The following PDPK1 variants were observed in gnomAD, a reference collection of about 807,000 sequenced individuals.
The protein encoded by PDPK1 is 3-phosphoinositide-dependent protein kinase 1.
PDPK1 carries 7 observed loss-of-function variants against 39.8 expected under a neutral mutation model. The ratio of observed to expected loss-of-function variants is 0.18; its 90% confidence interval spans 0.10 to 0.33. The LOEUF (loss-of-function observed/expected upper bound fraction) is 0.33, where lower values mean the gene tolerates loss of function less well. Ranked by LOEUF, PDPK1 falls within the 10% of genes least tolerant of loss-of-function variation. The pLI is 1.00. For synonymous variants in PDPK1, 118 were observed against 159.1 expected, an observed-to-expected ratio of 0.74 and a Z score of 1.95; for missense variants, 182 against 384.7, an observed-to-expected ratio of 0.47 and a Z score of 4.41.
chr16:2,591,877 A>G (rs1387697917), intron 11 of PDPK1, among the ~76,000 whole-genome samples: 3 of 152,244 alleles, frequency 2.0e-5, no homozygotes, highest in Non-Finnish European at 4.4e-5. Context: ...CTCAGTTTTA[A>G]TTTCCTGCGT....
intron 6 of PDPK1, among the ~76,000 whole-genome samples, chr16:2,573,774 T>G (rs1488253573): frequency 7.4e-6 from 1 of 134,284 alleles, no homozygotes. Context: ...TTTTCTTCCC[T>G]TTTTTTTCCT....
chr16:2,595,960 A>G, intron 12 of PDPK1, 110 bp downstream of exon 12: 1 of 830,116 alleles, frequency 1.2e-6, no homozygotes, highest in Admixed American at 1.9e-5. Flanking sequence ...CTTGATTTTC[A>G]TCAGACATCA....
chr16:2,547,273 C>T lies in PDPK1; in HGVS notation c.24+9137C>T, dbSNP rs915616778. On this transcript the variant is annotated intron_variant, in intron 1 of 13. Transcript: ENST00000342085. ...TGAGGGCGAGCGCTAGGTTCGTCTG[C>T]GTTTCTCTCTCCCAGTTGGGCCTGA... 6.3e-4 allele frequency among the ~76,000 whole-genome samples: 92 copies of T among 145,494 alleles called. 1 individual carries two copies. The highest frequency in any genetic ancestry group is 1.2e-3 in the Non-Finnish European group (82 of 67,878).
Position 2,546,397 on chromosome 16 carries a change from GATCTCGGCTCACTGCA to G in PDPK1, c.24+8267_24+8282del, listed in dbSNP as rs1221356830. On this transcript the variant is annotated intron_variant, in intron 1 of 13. Transcript: ENST00000342085. Reference sequence around the variant, plus strand: ...CGCCCAGTCTGGAGTGCAGTGGCGCGATCTCGGCTCACTGCAATCTCCACCTCCCCGGTTCAAGCGA... The same window carrying G: ...CGCCCAGTCTGGAGTGCAGTGGCGCGATCTCCACCTCCCCGGTTCAAGCGA... Among the ~76,000 whole-genome samples, 6 of 151,736 alleles carry G rather than the reference GATCTCGGCTCACTGCA, an allele frequency of 4.0e-5. No individual in the cohort carries two copies. The East Asian group carries it at 1.2e-3, about 29-fold the overall frequency.
chr16:2,551,323 G>A lies in PDPK1; in HGVS notation c.25-6380G>A, dbSNP rs536477328. On this transcript the variant is annotated intron_variant, in intron 1 of 13. Transcript: ENST00000342085. ...GGTTTTCTGTGCTGGGCCTAGCTTTGTGGAGTTTTCTGAGGTGAGAGGAGG... is the reference window on the plus strand; with the variant it reads ...GGTTTTCTGTGCTGGGCCTAGCTTTATGGAGTTTTCTGAGGTGAGAGGAGG... Among the ~76,000 whole-genome samples, 189 of 150,882 alleles carry A rather than the reference G, an allele frequency of 1.3e-3. 4 individuals are homozygous for A. The highest frequency in any genetic ancestry group is 3.8e-3 in the African/African-American group (157 of 41,196).
rs1476924728 is a variant in PDPK1 at position 2,601,529 on chromosome 16, A to T, written c.*3762A>T. ...TTGCATCTGCACAGTCAGCAGAGAT[A>T]ACAAGTGTTGAACTGACCTTGCCAC... On this transcript the variant is annotated 3_prime_UTR_variant, in exon 14 of 14. Transcript: ENST00000342085. The T allele has an allele frequency of 4.3e-6, 1 of 234,454 alleles. No homozygotes were observed. Among genetic ancestry groups the T allele is most frequent in the Non-Finnish European group, 8.5e-6 (1 of 117,924 alleles). The allele number at this position is 234,454 out of a possible 1,614,324, so 14.5% of individuals were successfully genotyped here. A position where few individuals can be genotyped will look rare whatever the true frequency, so the allele number is the denominator to read the frequency against.
intron 10 of PDPK1, among the ~76,000 whole-genome samples, chr16:2,585,927 C>G (rs542193894): frequency 6.6e-6 from 1 of 152,330 alleles, no homozygotes; most frequent in South Asian, 2.1e-4. Flanking sequence ...TTTCTTTCCC[C>G]TTGTCCTTGG....
At chr16:2,586,998 C>T in intron 11 of PDPK1, 105 bp downstream of exon 11, 5 of 951,474 alleles carry the variant, frequency 5.3e-6, no homozygotes, top group South Asian at 1.4e-5. Flanking sequence ...CCTCAGCAGC[C>T]TTGGACGCTT....
At chr16:2,542,214 C>T (rs1454522439) in intron 1 of PDPK1, among the ~76,000 whole-genome samples, 2 of 152,230 alleles carry the variant, frequency 1.3e-5, no homozygotes, top group South Asian at 2.1e-4. Context: ...GGCTGGAGTA[C>T]AGTGGCATGA....
chr16:2,591,941 G>C (rs1209520212), intron 11 of PDPK1, among the ~76,000 whole-genome samples: 1 of 152,258 alleles, frequency 6.6e-6, no homozygotes, highest in Admixed American at 6.5e-5. Flanking sequence ...GAGGTAAAGA[G>C]TGTGAGGGGC....
At position 2,597,778 on chromosome 16, in the gene PDPK1, G is replaced by A. The variant is rs371050359; in HGVS notation, c.*11G>A. 3.6e-5 allele frequency: 58 copies of A among 1,590,110 alleles called. No homozygotes were observed. The Middle Eastern group carries it at 2.4e-3, about 66-fold the overall frequency. ...GCCGCTGTGCAGTGACGTGGCCTGC[G>A]GCCGGGCTGCCCTTCGCTGCCAGGA... On this transcript the variant is annotated 3_prime_UTR_variant, in exon 14 of 14. Transcript: ENST00000342085. This position sits in a 1 kb window ranked among gnomAD's most constrained non-coding sequence, Gnocchi z 6.3.
intron 10 of PDPK1, among the ~76,000 whole-genome samples, chr16:2,584,822 G>T (rs2066830004): frequency 6.6e-6 from 1 of 152,222 alleles, no homozygotes; most frequent in African/African-American, 2.4e-5. Flanking sequence ...AGCGGAGTCT[G>T]TGCCGCTTGA....
chr16:2,544,886 A>C (rs938925519), intron 1 of PDPK1, among the ~76,000 whole-genome samples: 12 of 151,948 alleles, frequency 7.9e-5, no homozygotes, highest in Admixed American at 2.6e-4. Context: ...CACCTGGCCC[A>C]AAATTTTTTT....
chr16:2,557,002 GTTC>G (rs2066508924), intron 1 of PDPK1: 2 of 129,004 alleles, frequency 1.6e-5, no homozygotes, highest in Non-Finnish European at 3.3e-5. Flanking sequence ...GCCTCGCATT[GTTC>G]TTCTGTAGTG....
chr16:2,597,869 G>T lies in PDPK1; in HGVS notation c.*102G>T. 1.4e-6 allele frequency: 1 copy of T among 712,744 alleles called. No homozygotes were observed. The allele number at this position is 712,744 out of a possible 1,614,324, so 44.2% of individuals were successfully genotyped here. A position where few individuals can be genotyped will look rare whatever the true frequency, so the allele number is the denominator to read the frequency against. On this transcript the variant is annotated 3_prime_UTR_variant, in exon 14 of 14. Transcript: ENST00000342085. This position sits in a 1 kb window ranked among gnomAD's most constrained non-coding sequence, Gnocchi z 6.3. ...CCAGACCACCTGCCAGCCATCACAAGGGGAACGCAGAGGCGGAAACCTTGC... is the reference window on the plus strand; with the variant it reads ...CCAGACCACCTGCCAGCCATCACAATGGGAACGCAGAGGCGGAAACCTTGC...
chr16:2,538,643 A>G, intron 1 of PDPK1: 1 of 1,289,006 alleles, frequency 7.8e-7, no homozygotes, highest in Non-Finnish European at 1.0e-6. Context: ...TGGTCGGGAA[A>G]ACTCGCCTTT....
chr16:2,597,590 G>C lies in PDPK1; in HGVS notation c.1555-61G>C. ...TGGCTGGTCGCAGGCAGCTCACCAG[G>C]TTGGGGTGGGGGTTTTGGTGGGACT... On this transcript the variant is annotated intron_variant, in intron 13 of 13. Transcript: ENST00000342085. The surrounding 1 kb of genome is among the most constrained non-coding windows in gnomAD (Gnocchi z 6.3). The C allele has an allele frequency of 1.6e-6, 2 of 1,213,686 alleles. No individual in the cohort carries two copies. The highest frequency in any genetic ancestry group is 1.7e-5 in the Admixed American group (1 of 59,376). The allele number at this position is 1,213,686 out of a possible 1,614,324, so 75.2% of individuals were successfully genotyped here. A position where few individuals can be genotyped will look rare whatever the true frequency, so the allele number is the denominator to read the frequency against.
In PDPK1 at chr16:2,602,934, A is replaced by G; in HGVS notation, c.*5167A>G. 8.6e-6 allele frequency: 2 copies of G among 232,372 alleles called. No individual in the cohort carries two copies. The highest frequency in any genetic ancestry group is 1.3e-3 in the Middle Eastern group (1 of 782). The allele number at this position is 232,372 out of a possible 1,614,324, so 14.4% of individuals were successfully genotyped here. ...TATATGAATTATTTGAATTGAATTCATGTTCGGGGCCACGTTGTTGTATGT... is the reference window on the plus strand; with the variant it reads ...TATATGAATTATTTGAATTGAATTCGTGTTCGGGGCCACGTTGTTGTATGT... On this transcript the variant is annotated 3_prime_UTR_variant, in exon 14 of 14. Coordinates refer to ENST00000342085, the MANE Select transcript of PDPK1 (RefSeq NM_002613.5).
intron 11 of PDPK1, among the ~76,000 whole-genome samples, chr16:2,591,744 G>C (rs1223108795): frequency 6.6e-6 from 1 of 152,232 alleles, no homozygotes; most frequent in African/African-American, 2.4e-5. Flanking sequence ...GCAGCGCACA[G>C]AGTGGCACAC....
Sources: gnomAD v4.1 joint callset for allele counts (sites outside exome capture counted in the v4.1 genomes callset) on GRCh38, gnomAD v4.1.1 for gene constraint, Gnocchi (gnomAD v3.1) non-coding constraint, MANE v1.5 for transcripts, NCBI Gene and HGNC (gene_info 2026-07-23, HGNC 2026-07-21) for gene names.